The following MYO16 variants were observed in gnomAD, a reference collection of about 807,000 sequenced individuals.
MYO16 encodes the protein unconventional myosin-XVI.
A neutral mutation model predicts 205.3 loss-of-function variants in MYO16; 94 were observed. That is an observed-to-expected ratio of 0.46 (90% CI 0.39 to 0.54). MYO16 has a LOEUF of 0.54. MYO16 is among the 20% of genes least tolerant of loss of function. The pLI is 0.00. For synonymous variants in MYO16, 988 were observed against 954.0 expected, an observed-to-expected ratio of 1.04 and a Z score of -0.66; for missense variants, 2,315 against 2,387.5, an observed-to-expected ratio of 0.97 and a Z score of 0.63.
At chr13:108,689,723 AT>A (rs1594211651) in intron 2 of MYO16, among the ~76,000 whole-genome samples, 1 of 152,260 alleles carries the variant, frequency 6.6e-6, no homozygotes, top group East Asian at 1.9e-4. Context: ...AAAAAAAAAA[AT>A]AGCAGCAAAG....
At chr13:108,944,068 A>C (rs1260761788) in intron 16 of MYO16, among the ~76,000 whole-genome samples, 1 of 152,232 alleles carries the variant, frequency 6.6e-6, no homozygotes, top group Non-Finnish European at 1.5e-5. Context: ...ACAGCACAGC[A>C]CATGAGGCTG....
intron 16 of MYO16, among the ~76,000 whole-genome samples, chr13:108,934,574 C>T (rs543590282): frequency 2.0e-5 from 3 of 151,894 alleles, no homozygotes; most frequent in East Asian, 1.9e-4. Context: ...TAGTTTTTTT[C>T]GTTGTTCAGA....
Position 108,643,176 on chromosome 13 carries a change from G to A in MYO16, c.28+13304G>A, listed in dbSNP as rs180989694. ...AGTCAATCTCCTTCCATAATCACTA[G>A]CCTCTGTCAATCACAGATCTGATTT... On this transcript the variant is annotated intron_variant, in intron 1 of 34. Transcript: ENST00000457511. Among the ~76,000 whole-genome samples, 8 of 152,234 alleles carry A rather than the reference G, an allele frequency of 5.3e-5. No homozygotes were observed. In the East Asian group the frequency reaches 1.2e-3, roughly 22 times the overall value.
In MYO16 at chr13:108,728,811, T is replaced by A. The variant is rs189492515; in HGVS notation, c.507+1228T>A. ...CATCTACACTACTAGGGAGCATAGC[T>A]TTTTTCTGGAAAACATTTTAAATAC... On this transcript the variant is annotated intron_variant, in intron 4 of 34. Transcript: ENST00000457511. Among the ~76,000 whole-genome samples, 523 of 152,314 alleles carry A rather than the reference T, an allele frequency of 3.4e-3. 2 individuals are homozygous for A. Among genetic ancestry groups the A allele is most frequent in the African/African-American group, 0.012 (500 of 41,564 alleles).
At chr13:108,609,979 C>T (rs988031410) in intron 1 of MYO16, among the ~76,000 whole-genome samples, 13 of 151,860 alleles carry the variant, frequency 8.6e-5, no homozygotes, top group African/African-American at 1.2e-4. Flanking sequence ...ATTGTCAGAC[C>T]GTCCTGACAA....
At chr13:108,810,564 A>G (rs1339631378) in intron 7 of MYO16, among the ~76,000 whole-genome samples, 1 of 152,244 alleles carries the variant, frequency 6.6e-6, no homozygotes, top group Non-Finnish European at 1.5e-5. Flanking sequence ...ATTCTAAAAA[A>G]TTGTTCTCTC....
At position 108,891,828 on chromosome 13, in the gene MYO16, C is replaced by T. The variant is rs139847907; in HGVS notation, c.1659+3351C>T. ...TCTAAAGGTTCAAAAGTTAAAAATA[C>T]GGAAATATACTGCACAATGAATATT... On this transcript the variant is annotated intron_variant, in intron 14 of 34. Transcript: ENST00000457511. 7.3e-3 allele frequency among the ~76,000 whole-genome samples: 1,113 copies of T among 152,252 alleles called. 6 individuals carry two copies. Among genetic ancestry groups the T allele is most frequent in the Non-Finnish European group, 0.011 (732 of 68,024 alleles).
chr13:108,757,052 A>G (rs2139648691), intron 4 of MYO16, among the ~76,000 whole-genome samples: 1 of 151,808 alleles, frequency 6.6e-6, no homozygotes, highest in East Asian at 1.9e-4. Flanking sequence ...ATATTTTTGC[A>G]AATTTCTAAA....
At chr13:108,679,093 C>T (rs1000152420) in intron 2 of MYO16, among the ~76,000 whole-genome samples, 3 of 152,164 alleles carry the variant, frequency 2.0e-5, no homozygotes, top group Non-Finnish European at 4.4e-5. Context: ...CCTCCTAGTA[C>T]CATCACATTG....
At chr13:108,759,459 C>T (rs1284986110) in intron 4 of MYO16, among the ~76,000 whole-genome samples, 1 of 152,128 alleles carries the variant, frequency 6.6e-6, no homozygotes, top group Non-Finnish European at 1.5e-5. Context: ...CGTAGCAATT[C>T]CTATCTTCTT....
intron 24 of MYO16, among the ~76,000 whole-genome samples, chr13:109,050,372 A>G (rs1319084143): frequency 2.6e-5 from 4 of 152,010 alleles, no homozygotes; most frequent in Non-Finnish European, 5.9e-5. Context: ...AGGAGTCCCA[A>G]GAGGTAGTGG....
chr13:108,528,612 TCCCC>T, the MYO16 span, among the ~76,000 whole-genome samples: 1 of 5,396 alleles, frequency 1.9e-4, no homozygotes, highest in Admixed American at 2.0e-3. Flanking sequence ...TCTCCTCTCC[TCCCC>T]TCCCCTCTCC....
intron 28 of MYO16, among the ~76,000 whole-genome samples, chr13:109,111,918 C>A (rs1393720843): frequency 2.0e-5 from 3 of 152,128 alleles, no homozygotes; most frequent in African/African-American, 7.2e-5. Context: ...AATCTCCTGA[C>A]CTCATGATCC....
At chr13:108,897,107 A>G (rs1279077726) in intron 14 of MYO16, among the ~76,000 whole-genome samples, 2 of 152,274 alleles carry the variant, frequency 1.3e-5, no homozygotes, top group East Asian at 3.9e-4. Context: ...GGAACAGGAA[A>G]ACTAGTCCGT....
chr13:108,693,885 A>T (rs1882993118), intron 2 of MYO16, among the ~76,000 whole-genome samples: 1 of 152,010 alleles, frequency 6.6e-6, no homozygotes, highest in South Asian at 2.1e-4. Flanking sequence ...AGTTGGCCCC[A>T]GTGTCTGTTT....
At chr13:109,020,460 T>A (rs1465969112) in intron 23 of MYO16, among the ~76,000 whole-genome samples, 1 of 150,460 alleles carries the variant, frequency 6.6e-6, no homozygotes, top group Non-Finnish European at 1.5e-5. Flanking sequence ...TTCTCCAAGC[T>A]GATCATAATT....
chr13:109,027,991 CAG>C (rs1886420153), intron 23 of MYO16, among the ~76,000 whole-genome samples: 1 of 151,974 alleles, frequency 6.6e-6, no homozygotes, highest in Admixed American at 6.6e-5. Flanking sequence ...TTAAAAAAAA[CAG>C]AGTCAATTCT....
At chr13:109,174,171 A>C (rs1879058126) in intron 33 of MYO16, among the ~76,000 whole-genome samples, 2 of 152,156 alleles carry the variant, frequency 1.3e-5, no homozygotes, top group South Asian at 4.1e-4. Flanking sequence ...GAGGCAAATG[A>C]TGGGAGAATA....
chr13:108,714,485 T>C (rs1883855876), intron 3 of MYO16, among the ~76,000 whole-genome samples: 1 of 152,056 alleles, frequency 6.6e-6, no homozygotes, highest in Non-Finnish European at 1.5e-5. Flanking sequence ...TCTGTGTATT[T>C]ATGTGTGAGA....
Sources: gnomAD v4.1 joint callset for allele counts (sites outside exome capture counted in the v4.1 genomes callset) on GRCh38, gnomAD v4.1.1 for gene constraint, MANE v1.5 for transcripts, NCBI Gene and HGNC (gene_info 2026-07-23, HGNC 2026-07-21) for gene names.